ANO4: variants seen among roughly 807,000 people sequenced by gnomAD.
The protein encoded by ANO4 is anoctamin 4.
In ANO4, 69 loss-of-function variants were observed where a neutral mutation model predicts 141.9. The observed-to-expected ratio is 0.49, with a 90% CI of 0.40 to 0.59. The LOEUF (loss-of-function observed/expected upper bound fraction) is 0.59. Among genes scored for constraint, ANO4 ranks in the 20% least tolerant of loss-of-function variants. The pLI, the probability that ANO4 is intolerant of heterozygous loss-of-function variation, is 0.00. For synonymous variants in ANO4, 350 were observed against 394.3 expected (o/e 0.89, Z 1.33); for missense variants, 894 against 1,162.2 (o/e 0.77, Z 3.36).
chr12:100,892,486 A>G (rs61947079), intron 1 of ANO4, among the ~76,000 whole-genome samples: 27,513 of 152,156 alleles, frequency 0.18, 2,750 homozygotes, highest in Middle Eastern at 0.35. Flanking sequence ...GACAAAATCA[A>G]CGTAACAGAA....
At chr12:100,746,048 T>G (rs1420170887) in intron 3 of ANO4, among the ~76,000 whole-genome samples, 2 of 152,166 alleles carry the variant, frequency 1.3e-5, no homozygotes, top group East Asian at 3.9e-4. Context: ...CAGATACAGC[T>G]AAGTGATCAC....
intron 8 of ANO4, among the ~76,000 whole-genome samples, chr12:101,017,266 G>A (rs530211638): frequency 6.6e-6 from 1 of 152,264 alleles, no homozygotes; most frequent in African/African-American, 2.4e-5. Flanking sequence ...GAACTGCCCT[G>A]TATAACACCA....
intron 25 of ANO4, among the ~76,000 whole-genome samples, chr12:101,119,533 G>C (rs1018336398): frequency 6.6e-6 from 1 of 152,008 alleles, no homozygotes; most frequent in African/African-American, 2.4e-5. Flanking sequence ...CCATAATATA[G>C]TCACACTAGA....
chr12:100,757,011 C>A (rs1257040468), intron 3 of ANO4, among the ~76,000 whole-genome samples: 1 of 152,154 alleles, frequency 6.6e-6, no homozygotes, highest in East Asian at 1.9e-4. Context: ...AGCCAAAAAT[C>A]GTCCTGTTGC....
intron 7 of ANO4, among the ~76,000 whole-genome samples, chr12:100,980,220 T>G (rs2044398261): frequency 6.6e-6 from 1 of 152,218 alleles, no homozygotes; most frequent in Admixed American, 6.5e-5. Flanking sequence ...GGTAGTTGAT[T>G]CAGAATGGCC....
intron 13 of ANO4, among the ~76,000 whole-genome samples, chr12:101,045,051 A>T (rs1279658019): frequency 6.6e-6 from 1 of 151,782 alleles, no homozygotes; most frequent in African/African-American, 2.4e-5. Flanking sequence ...TTTTTAGGAG[A>T]TCCTTAATAA....
chr12:101,074,949 C>T (rs1210172756), intron 14 of ANO4, among the ~76,000 whole-genome samples: 2 of 152,146 alleles, frequency 1.3e-5, no homozygotes, highest in African/African-American at 4.8e-5. Flanking sequence ...AACTAAGATA[C>T]AGCTCTGCTC....
At chr12:101,056,368 A>T (rs1305292231) in intron 14 of ANO4, among the ~76,000 whole-genome samples, 1 of 151,934 alleles carries the variant, frequency 6.6e-6, no homozygotes, top group Admixed American at 6.6e-5. Context: ...TACAAATAGT[A>T]TTTTTCTGTA....
intron 17 of ANO4, among the ~76,000 whole-genome samples, chr12:101,088,409 A>T (rs148472098): frequency 6.6e-6 from 1 of 151,736 alleles, no homozygotes; most frequent in East Asian, 1.9e-4. Flanking sequence ...TGTTTTTTCT[A>T]TAGCATTTAT....
chr12:100,916,043 A>G (rs565199624), intron 2 of ANO4, among the ~76,000 whole-genome samples: 15 of 84,798 alleles, frequency 1.8e-4, no homozygotes, highest in Admixed American at 1.0e-3. Flanking sequence ...GGAAAGTGGT[A>G]GTAATGTAAC....
In ANO4 at chr12:101,048,417, C is replaced by A. The variant is rs1409677078; in HGVS notation, c.1312+16C>A. ...GCAGTCTGGGGTAAGTGTTCTATAA[C>A]CATAAAACTTGAGTTTTCCTCATAT... On this transcript the variant is annotated intron_variant, in intron 14 of 27. Coordinates refer to ENST00000392977, the MANE Select transcript of ANO4 (RefSeq NM_001286615.2). The A allele has an allele frequency of 6.2e-7, 1 of 1,610,484 alleles. No homozygotes were observed. The highest frequency in any genetic ancestry group is 1.7e-5 in the Admixed American group (1 of 59,966).
chr12:100,758,926 T>A (rs1366864066), intron 3 of ANO4, among the ~76,000 whole-genome samples: 1 of 152,160 alleles, frequency 6.6e-6, no homozygotes, highest in Non-Finnish European at 1.5e-5. Context: ...CCTTTTTCTG[T>A]CTCTTATACA....
intron 3 of ANO4, among the ~76,000 whole-genome samples, chr12:100,783,075 T>C (rs984273863): frequency 6.6e-6 from 1 of 152,160 alleles, no homozygotes; most frequent in African/African-American, 2.4e-5. Flanking sequence ...CTTCCTTCTC[T>C]CTTCTATCTA....
At chr12:100,919,384 A>AT (rs1309279297) in intron 2 of ANO4, among the ~76,000 whole-genome samples, 1 of 152,006 alleles carries the variant, frequency 6.6e-6, no homozygotes, top group South Asian at 2.1e-4. Context: ...CAGAGAGACC[A>AT]TTTTTTATCT....
intron 7 of ANO4, 70 bp from the exon 8 acceptor site, chr12:100,987,469 A>G: frequency 6.4e-7 from 1 of 1,569,446 alleles, no homozygotes; most frequent in East Asian, 2.2e-5. Context: ...CTCTGCGGAG[A>G]CCTTCCTCCT....
Position 100,967,252 on chromosome 12 carries a change from C to T in ANO4, c.457-4054C>T, listed in dbSNP as rs551399603. On this transcript the variant is annotated intron_variant, in intron 5 of 27. Transcript: ENST00000392977. ...TTTGTATTGCAGTATATTAATGAAA[C>T]AACTCTATGTTTCATAAAAATCATT... 2.6e-5 allele frequency among the ~76,000 whole-genome samples: 4 copies of T among 152,170 alleles called. No homozygotes were observed. The East Asian group carries it at 5.8e-4, about 22-fold the overall frequency.
At chr12:100,955,008 A>G (rs1455492994) in intron 5 of ANO4, among the ~76,000 whole-genome samples, 2 of 152,176 alleles carry the variant, frequency 1.3e-5, no homozygotes, top group Non-Finnish European at 2.9e-5. Flanking sequence ...ATAACTGCCC[A>G]CAGAGGAATT....
At position 101,048,448 on chromosome 12, in the gene ANO4, A is replaced by G. The variant is rs564596567; in HGVS notation, c.1312+47A>G. On this transcript the variant is annotated intron_variant, in intron 14 of 27. Coordinates refer to ENST00000392977, the MANE Select transcript of ANO4 (RefSeq NM_001286615.2). ...AACTTGAGTTTTCCTCATATGCCCT[A>G]TGATATATTCCTTTAGAAGTTTCAC... The G allele has an allele frequency of 9.8e-6, 15 of 1,524,558 alleles. No individual in the cohort carries two copies. In the East Asian group the frequency reaches 2.3e-4, roughly 23 times the overall value. 94.4% of individuals were successfully genotyped at this position (1,524,558 alleles called of 1,614,324 possible).
rs757111157 is a variant in ANO4 at position 101,086,740 on chromosome 12, G to C, written c.1617G>C (p.Trp539Cys). ...VTVSTFAAFKWALIRNNSQVA... is the reference protein window; with the variant it reads ...VTVSTFAAFKCALIRNNSQVA... ...TCAGCACTTTCGCTGCCTTTAAGTGGGCGTTAATCAGGAATAACTCTCAGG... is the reference window on the plus strand; with the variant it reads ...TCAGCACTTTCGCTGCCTTTAAGTGCGCGTTAATCAGGAATAACTCTCAGG... The change falls in exon 17 of 28, where the codon TGG becomes TGC. Residue 539 changes from tryptophan to cysteine, a missense_variant. This residue lies in a region of ANO4 where 637 missense variants were observed against 909.2 expected (regional missense o/e 0.70). Transcript: ENST00000392977. 2.5e-6 allele frequency: 4 copies of C among 1,613,794 alleles called. No homozygotes were observed. The highest frequency in any genetic ancestry group is 3.4e-6 in the Non-Finnish European group (4 of 1,179,804).
Sources: allele counts gnomAD v4.1 joint callset (sites outside exome capture counted in the v4.1 genomes callset), GRCh38; gene constraint gnomAD v4.1.1; regional missense constraint gnomAD v4.1.1; transcripts MANE v1.5; gene names NCBI Gene and HGNC (gene_info 2026-07-23, HGNC 2026-07-21).